CMTM8: variants seen among roughly 807,000 people sequenced by gnomAD.
CMTM8 encodes the protein CKLF-like MARVEL transmembrane domain-containing protein 8.
CMTM8 carries 12 observed loss-of-function variants against 18.6 expected under a neutral mutation model. That is an observed-to-expected ratio of 0.65 (90% CI 0.41 to 1.05). The LOEUF is 1.05. CMTM8 is among the 50% of genes least tolerant of loss of function. CMTM8 has a pLI of 0.00. For missense variants in CMTM8, 217 were observed against 227.2 expected, an observed-to-expected ratio of 0.95 and a Z score of 0.29; for synonymous variants, 87 against 90.6, an observed-to-expected ratio of 0.96 and a Z score of 0.23.
intron 1 of CMTM8, among the ~76,000 whole-genome samples, chr3:32,291,376 G>A (rs888559705): frequency 6.6e-6 from 1 of 151,874 alleles, no homozygotes; most frequent in African/African-American, 2.4e-5. Flanking sequence ...TCCTGACCTC[G>A]TGATCCGCCC....
chr3:32,359,217 C>T (rs981334260), intron 2 of CMTM8, among the ~76,000 whole-genome samples: 3 of 152,168 alleles, frequency 2.0e-5, no homozygotes, highest in African/African-American at 7.2e-5. Flanking sequence ...GCCTACGGCC[C>T]AGCCACTCAA....
At chr3:32,288,624 C>T (rs1411771368) in intron 1 of CMTM8, among the ~76,000 whole-genome samples, 2 of 152,126 alleles carry the variant, frequency 1.3e-5, no homozygotes, top group African/African-American at 4.8e-5. Flanking sequence ...CCTCAGCCTC[C>T]TGAGTAGCTA....
intron 1 of CMTM8, among the ~76,000 whole-genome samples, chr3:32,253,946 T>G (rs1001946449): frequency 1.3e-5 from 2 of 151,794 alleles, no homozygotes; most frequent in African/African-American, 2.4e-5. Context: ...CAGGCTGGAG[T>G]GCAGTGGCAC....
At chr3:32,361,434 G>T (rs1452759648) in intron 2 of CMTM8, among the ~76,000 whole-genome samples, 1 of 151,968 alleles carries the variant, frequency 6.6e-6, no homozygotes, top group Non-Finnish European at 1.5e-5. Context: ...CTGCTAAGAG[G>T]GATAATGAAG....
At chr3:32,348,673 AT>A (rs200358306) in intron 1 of CMTM8, among the ~76,000 whole-genome samples, 7,883 of 151,048 alleles carry the variant, frequency 0.052, 278 homozygotes, top group East Asian at 0.14. Flanking sequence ...TAATTTTTGT[AT>A]TTTTTTGGTA....
At chr3:32,298,814 T>C (rs910262912) in intron 1 of CMTM8, among the ~76,000 whole-genome samples, 10 of 125,168 alleles carry the variant, frequency 8.0e-5, no homozygotes, top group South Asian at 4.8e-4. Flanking sequence ...TATATATATA[T>C]ACACGTGTGT....
At chr3:32,259,575 T>C in intron 1 of CMTM8, 1 of 903,098 alleles carries the variant, frequency 1.1e-6, no homozygotes. Flanking sequence ...CTGCTCTTCA[T>C]GAAGAAGAAC....
intron 1 of CMTM8, among the ~76,000 whole-genome samples, chr3:32,313,787 G>A (rs544564232): frequency 6.6e-6 from 1 of 152,272 alleles, no homozygotes; most frequent in African/African-American, 2.4e-5. Context: ...AAGAGTGGGA[G>A]GAAGAATGAC....
At chr3:32,272,947 G>A (rs1290397632) in intron 1 of CMTM8, among the ~76,000 whole-genome samples, 1 of 152,068 alleles carries the variant, frequency 6.6e-6, no homozygotes, top group Admixed American at 6.6e-5. Context: ...AAGGATTTGG[G>A]TAGATATTTC....
At chr3:32,251,291 T>C (rs1448565978) in intron 1 of CMTM8, among the ~76,000 whole-genome samples, 2 of 152,134 alleles carry the variant, frequency 1.3e-5, no homozygotes, top group South Asian at 2.1e-4. Context: ...TTAAATATGC[T>C]TATTAGACAT....
chr3:32,293,943 G>A (rs1044148516), intron 1 of CMTM8, among the ~76,000 whole-genome samples: 1 of 152,208 alleles, frequency 6.6e-6, no homozygotes, highest in Non-Finnish European at 1.5e-5. Flanking sequence ...TTGTGCAGGT[G>A]TATCTGTAGG....
chr3:32,295,471 A>AAAC (rs1702858566), intron 1 of CMTM8, among the ~76,000 whole-genome samples: 2 of 140,836 alleles, frequency 1.4e-5, no homozygotes, highest in South Asian at 4.3e-4. Flanking sequence ...AAAAAAAAAA[A>AAAC]AAAAAAACAA....
At chr3:32,352,240 A>G (rs1696725144) in intron 1 of CMTM8, among the ~76,000 whole-genome samples, 1 of 152,114 alleles carries the variant, frequency 6.6e-6, no homozygotes, top group Admixed American at 6.6e-5. Flanking sequence ...ATCAAGAAAT[A>G]AGAGGAGAAC....
Position 32,283,376 on chromosome 3 carries a change from A to T in CMTM8, c.147+44257A>T, listed in dbSNP as rs1405335889. 3.9e-5 allele frequency among the ~76,000 whole-genome samples: 6 copies of T among 152,194 alleles called. No homozygotes were observed. The East Asian group carries it at 1.2e-3, about 29-fold the overall frequency. On this transcript the variant is annotated intron_variant, in intron 1 of 3. Transcript: ENST00000307526. ...ATTGGCTCCAATTGGGGGAAGAGTC[A>T]TTTGAGTTTCTTCTCTTCAGACTGA...
At chr3:32,282,524 C>T (rs537976779) in intron 1 of CMTM8, among the ~76,000 whole-genome samples, 7 of 152,140 alleles carry the variant, frequency 4.6e-5, no homozygotes, top group African/African-American at 1.7e-4. Flanking sequence ...ATTCTTACCA[C>T]CTGCAGTATT....
chr3:32,357,935 G>A (rs891799190), intron 2 of CMTM8, among the ~76,000 whole-genome samples: 6 of 152,202 alleles, frequency 3.9e-5, no homozygotes, highest in East Asian at 1.9e-4. Flanking sequence ...CTGGGGCTGT[G>A]GCCTTAACCC....
intron 1 of CMTM8, among the ~76,000 whole-genome samples, chr3:32,273,481 G>A (rs1003033737): frequency 3.3e-5 from 5 of 152,054 alleles, no homozygotes; most frequent in Admixed American, 2.0e-4. Flanking sequence ...CAGAATACCC[G>A]TACAATGGAA....
intron 1 of CMTM8, among the ~76,000 whole-genome samples, chr3:32,346,157 AAAAAG>A (rs1337257123): frequency 1.4e-4 from 22 of 152,194 alleles, no homozygotes; most frequent in Admixed American, 1.2e-3. Context: ...TCCATCTCAA[AAAAAG>A]AAAAGAAAAG....
chr3:32,279,149 T>A (rs1376480238), intron 1 of CMTM8, among the ~76,000 whole-genome samples: 1 of 146,960 alleles, frequency 6.8e-6, no homozygotes, highest in Non-Finnish European at 1.5e-5. Context: ...CGGTTCTGTA[T>A]TTTTCTTATA....
Sources: gnomAD v4.1 joint callset for allele counts (sites outside exome capture counted in the v4.1 genomes callset) on GRCh38, gnomAD v4.1.1 for gene constraint, MANE v1.5 for transcripts, NCBI Gene and HGNC (gene_info 2026-07-23, HGNC 2026-07-21) for gene names.